Variants in SATB2 observed in about 807,000 individuals in gnomAD.
SATB2 encodes the protein SATB homeobox 2, also known as DNA-binding protein SATB2.
A neutral mutation model predicts 73.4 loss-of-function variants in SATB2; 1 was observed. That is an observed-to-expected ratio of 0.01 (90% CI 0.00 to 0.06). SATB2 has a LOEUF of 0.06. SATB2 is among the 10% of genes least tolerant of loss of function. The probability of loss-of-function intolerance (pLI) is 1.00; values close to 1 mark genes in which losing one functional copy is unlikely to be tolerated. For synonymous variants in SATB2, 397 were observed against 367.0 expected (o/e 1.08, Z -0.93); for missense variants, 459 against 945.8 (o/e 0.49, Z 6.75).
intron 6 of SATB2, among the ~76,000 whole-genome samples, chr2:199,354,503 TCCC>T (rs1688915187): frequency 6.6e-6 from 1 of 152,174 alleles, no homozygotes; most frequent in African/African-American, 2.4e-5. Flanking sequence ...AGGAATGATG[TCCC>T]CAGTTTCTAA....
Position 199,462,975 on chromosome 2 carries a change from G to A in SATB2, c.-141+1861C>T, listed in dbSNP as rs1328970755. On this transcript the variant is annotated intron_variant, in intron 1 of 11. Coordinates refer to the SATB2 transcript ENST00000260926. This position sits in a 1 kb window ranked among gnomAD's most constrained non-coding sequence, Gnocchi z 5.9. ...GGAGCTTTCTGCACTGGGCTTCCCGGGGTAGGAGATGGGCGTCGGGTGTGG... is the reference window on the plus strand; with the variant it reads ...GGAGCTTTCTGCACTGGGCTTCCCGAGGTAGGAGATGGGCGTCGGGTGTGG... 1.6e-4 allele frequency among the ~76,000 whole-genome samples: 24 copies of A among 152,200 alleles called. No homozygotes were observed. Among genetic ancestry groups the A allele is most frequent in the Admixed American group, 1.5e-3 (23 of 15,290 alleles).
chr2:199,379,246 C>T (rs916007045), intron 5 of SATB2, among the ~76,000 whole-genome samples: 3 of 152,180 alleles, frequency 2.0e-5, no homozygotes, highest in Non-Finnish European at 2.9e-5. Flanking sequence ...TTTTGATCCT[C>T]TCAATCTCAT....
chr2:199,415,873 G>A (rs563118963), intron 3 of SATB2, among the ~76,000 whole-genome samples: 2 of 152,220 alleles, frequency 1.3e-5, no homozygotes, highest in African/African-American at 4.8e-5. Flanking sequence ...TATCCTCCAG[G>A]GCCAGTAACA....
chr2:199,293,419 T>C (rs1429031144), intron 10 of SATB2, among the ~76,000 whole-genome samples: 1 of 152,046 alleles, frequency 6.6e-6, no homozygotes, highest in Non-Finnish European at 1.5e-5. Flanking sequence ...AAGGAAAAGG[T>C]ATCGAATGTT....
chr2:199,302,480 C>T (rs1285295251), intron 10 of SATB2, among the ~76,000 whole-genome samples: 1 of 152,176 alleles, frequency 6.6e-6, no homozygotes. Flanking sequence ...TGCAGCCTCA[C>T]TGACAGTCAG....
chr2:199,350,892 A>T (rs1688795288), intron 6 of SATB2, among the ~76,000 whole-genome samples: 1 of 151,894 alleles, frequency 6.6e-6, no homozygotes, highest in African/African-American at 2.4e-5. Flanking sequence ...GCATGGTGGC[A>T]TGCGCCTGTA....
intron 3 of SATB2, among the ~76,000 whole-genome samples, chr2:199,422,389 T>A (rs1691199923): frequency 6.6e-6 from 1 of 151,960 alleles, no homozygotes; most frequent in Non-Finnish European, 1.5e-5. Flanking sequence ...AGCTTATATA[T>A]ACAAATATAC....
At chr2:199,376,344 A>G (rs1689605029) in intron 5 of SATB2, among the ~76,000 whole-genome samples, 1 of 152,240 alleles carries the variant, frequency 6.6e-6, no homozygotes, top group Non-Finnish European at 1.5e-5. Flanking sequence ...AAAACTTTAC[A>G]TACTAATAAA....
intron 3 of SATB2, chr2:199,396,099 C>T (rs1295471129): frequency 1.3e-5 from 2 of 152,190 alleles, no homozygotes; most frequent in Non-Finnish European, 2.9e-5. Context: ...ACTGACAAAG[C>T]TGACTTTACT....
At position 199,339,140 on chromosome 2, in the gene SATB2, T is replaced by A. The variant is rs1419000757; in HGVS notation, c.1173+9561A>T. On this transcript the variant is annotated intron_variant, in intron 7 of 10. Transcript: ENST00000417098. ...TATAGGCAGAGCACAAACAAAGCCA[T>A]CATCTCCCCAAGTCTCTTTAGATGA... Among the ~76,000 whole-genome samples the A allele has an allele frequency of 2.0e-5, 3 of 152,104 alleles. No homozygotes were observed. The East Asian group carries it at 5.8e-4, about 29-fold the overall frequency.
intron 3 of SATB2, among the ~76,000 whole-genome samples, chr2:199,404,427 T>C (rs1690573251): frequency 6.6e-6 from 1 of 152,198 alleles, no homozygotes; most frequent in Admixed American, 6.5e-5. Context: ...TAGTGCACAT[T>C]ATTTAAAAGT....
intron 3 of SATB2, among the ~76,000 whole-genome samples, chr2:199,410,243 G>C (rs1286765713): frequency 6.6e-6 from 1 of 152,180 alleles, no homozygotes; most frequent in African/African-American, 2.4e-5. Flanking sequence ...GACCTGAAAG[G>C]ACGCTTGGGT....
chr2:199,409,258 C>T (rs913662625), intron 3 of SATB2, among the ~76,000 whole-genome samples: 2 of 148,846 alleles, frequency 1.3e-5, no homozygotes, highest in Non-Finnish European at 3.0e-5. Context: ...CAACCTCCGC[C>T]TCCCGGGTTC....
chr2:199,274,700 C>A (rs1330119766), intron 10 of SATB2, among the ~76,000 whole-genome samples: 1 of 152,166 alleles, frequency 6.6e-6, no homozygotes, highest in African/African-American at 2.4e-5. Context: ...ATGTTCTTAG[C>A]ATTTTCCTTA....
intron 3 of SATB2, among the ~76,000 whole-genome samples, chr2:199,386,978 C>T (rs1300223650): frequency 6.6e-6 from 1 of 152,170 alleles, no homozygotes; most frequent in East Asian, 1.9e-4. Context: ...TAACACGGTA[C>T]AATAAATATT....
chr2:199,275,810 T>C (rs1483337411), intron 10 of SATB2, among the ~76,000 whole-genome samples: 1 of 152,162 alleles, frequency 6.6e-6, no homozygotes, highest in African/African-American at 2.4e-5. Context: ...GAAAGAGCAG[T>C]CAAAACAGTG....
chr2:199,353,323 T>A (rs1388071062), intron 6 of SATB2, among the ~76,000 whole-genome samples: 2 of 151,632 alleles, frequency 1.3e-5, no homozygotes, highest in Admixed American at 6.6e-5. Flanking sequence ...CCCAGCTAAT[T>A]TTTATATTTT....
intron 6 of SATB2, among the ~76,000 whole-genome samples, chr2:199,364,907 T>C (rs1424371700): frequency 6.6e-6 from 1 of 152,082 alleles, no homozygotes; most frequent in African/African-American, 2.4e-5. Context: ...TAGATTGCCA[T>C]GAGAGTAAAA....
At chr2:199,401,645 C>A (rs565031988) in intron 3 of SATB2, among the ~76,000 whole-genome samples, 5 of 151,780 alleles carry the variant, frequency 3.3e-5, no homozygotes, top group Non-Finnish European at 5.9e-5. Context: ...AATAAAATAA[C>A]CTGCCTTGCT....
Sources: allele counts gnomAD v4.1 joint callset (sites outside exome capture counted in the v4.1 genomes callset), GRCh38; gene constraint gnomAD v4.1.1; non-coding constraint Gnocchi (gnomAD v3.1); transcripts MANE v1.5; gene names NCBI Gene and HGNC (gene_info 2026-07-23, HGNC 2026-07-21).